RAB9A: variants seen among roughly 807,000 people sequenced by gnomAD.
RAB9A encodes the protein ras-related protein Rab-9A.
RAB9A carries 1 observed loss-of-function variant against 10.3 expected under a neutral mutation model. That is an observed-to-expected ratio of 0.10 (90% confidence interval 0.03 to 0.46). The LOEUF is 0.46. RAB9A is among the 20% of genes least tolerant of loss of function. The pLI, the probability that RAB9A is intolerant of heterozygous loss-of-function variation, is 0.96. For missense variants in RAB9A, 92 were observed against 150.3 expected (o/e 0.61, Z 2.03); for synonymous variants, 39 against 55.2 (o/e 0.71, Z 1.30).
At chrX:13,693,132 G>A (rs751670233) in intron 1 of RAB9A, among the ~76,000 whole-genome samples, 8 of 111,701 alleles carry the variant, frequency 7.2e-5, no homozygotes, top group Non-Finnish European at 1.3e-4. Context: ...TCACAAAGTA[G>A]AGGCAGCAAA....
chrX:13,706,465 C>G (rs1410006626), intron 2 of RAB9A, among the ~76,000 whole-genome samples: 3 of 111,043 alleles, frequency 2.7e-5, no homozygotes, highest in Non-Finnish European at 5.7e-5. Context: ...AATCTCAGCT[C>G]ACGGCAACCT....
At chrX:13,698,176 T>C (rs1005067221) in intron 1 of RAB9A, among the ~76,000 whole-genome samples, 1 of 64,719 alleles carries the variant, frequency 1.5e-5, no homozygotes, top group Non-Finnish European at 2.7e-5. Flanking sequence ...CTAAGTCTTC[T>C]TTTTCTTTTT....
At chrX:13,692,830 A>G (rs2046132070) in intron 1 of RAB9A, among the ~76,000 whole-genome samples, 1 of 112,221 alleles carries the variant, frequency 8.9e-6, no homozygotes, top group Admixed American at 9.4e-5. Context: ...ACTCATGCCA[A>G]TGCACAGCAC....
In RAB9A at chrX:13,708,827, T is replaced by C. The variant is rs1372991872; in HGVS notation, c.81T>C (p.Tyr27=). The part of the protein sequence containing the change: ...GVGKSSLMNR[Y]VTNKFDTQLF... ...GGAAGAGTTCACTTATGAACAGATA[T>C]GTAACTAATAAGTTTGATACCCAGC... Residue 27 remains tyrosine, a synonymous_variant, in exon 3 of 3, where the codon TAT becomes TAC. Transcript: ENST00000464506. 4.1e-6 allele frequency: 5 copies of C among 1,206,147 alleles called. No individual in the cohort carries two copies. Among genetic ancestry groups the C allele is most frequent in the South Asian group, 1.8e-5 (1 of 56,698 alleles).
At chrX:13,697,175 C>T (rs768282520) in intron 1 of RAB9A, among the ~76,000 whole-genome samples, 4 of 111,929 alleles carry the variant, frequency 3.6e-5, no homozygotes, top group Non-Finnish European at 7.5e-5. Flanking sequence ...GCTTTGTCTG[C>T]TGTAAATTAA....
chrX:13,707,517 T>C (rs2046203157), intron 2 of RAB9A, among the ~76,000 whole-genome samples: 1 of 111,834 alleles, frequency 8.9e-6, no homozygotes, highest in Non-Finnish European at 1.9e-5. Flanking sequence ...GGAACTGTGC[T>C]CCCACCAGCA....
intron 1 of RAB9A, 181 bp from the exon 2 acceptor site, chrX:13,703,633 G>C (rs2046184319): frequency 8.9e-6 from 1 of 111,929 alleles, no homozygotes; most frequent in Non-Finnish European, 1.9e-5. Flanking sequence ...ATCACTGGGA[G>C]ACCTTGACAT....
chrX:13,696,802 G>A (rs2046149925), intron 1 of RAB9A, among the ~76,000 whole-genome samples: 1 of 111,916 alleles, frequency 8.9e-6, no homozygotes, highest in Non-Finnish European at 1.9e-5. Context: ...GGGTAGTGAT[G>A]GGCAGAGTGA....
chrX:13,691,659 CAAAAAAAAAAAA>C (rs765886332), intron 1 of RAB9A, among the ~76,000 whole-genome samples: 8 of 15,924 alleles, frequency 5.0e-4, no homozygotes, highest in Admixed American at 2.2e-3. Context: ...GACTCCATCT[CAAAAAAAAAAAA>C]AAAAAAAAAA....
rs139864884 is a variant in RAB9A, at chrX:13,703,625, C to T, written c.-115-189C>T. ...CTTTAGCACAGTTCCACATAGTGAT[C>T]ACTGGGAGACCTTGACATTGAATTT... On this transcript the variant is annotated intron_variant, in intron 1 of 2. Transcript: ENST00000464506. The T allele has an allele frequency of 1.9e-3, 212 of 111,960 alleles. 1 individual carries two copies. Among genetic ancestry groups the T allele is most frequent in the African/African-American group, 6.2e-3 (190 of 30,816 alleles). The allele number at this position is 111,960 out of a possible 1,213,427, so 9.2% of individuals were successfully genotyped here. A position where few individuals can be genotyped will look rare whatever the true frequency, so the allele number is the denominator to read the frequency against.
chrX:13,700,853 C>G (rs781084801), intron 1 of RAB9A, among the ~76,000 whole-genome samples: 19 of 111,021 alleles, frequency 1.7e-4, no homozygotes, highest in South Asian at 3.8e-4. Flanking sequence ...TCACTGCAGC[C>G]TTGACCTCCC....
intron 1 of RAB9A, among the ~76,000 whole-genome samples, chrX:13,693,177 T>TTA (rs1555965602): frequency 7.3e-5 from 8 of 110,295 alleles, no homozygotes; most frequent in African/African-American, 2.3e-4. Flanking sequence ...CCAGGCAATG[T>TTA]GTTAAGCAGC....
chrX:13,692,434 G>A lies in RAB9A; in HGVS notation c.-116+3146G>A, dbSNP rs776083101. The stretch of plus-strand genomic sequence containing the variant: ...AACTTGATGTGTGTGTTATAGTTTT[G>A]TACGGTTAACCACGTGTGAATATTT... On this transcript the variant is annotated intron_variant, in intron 1 of 2. Coordinates refer to ENST00000464506, the MANE Select transcript of RAB9A (RefSeq NM_004251.5). Among the ~76,000 whole-genome samples, 379 of 112,561 alleles carry A rather than the reference G, an allele frequency of 3.4e-3. 2 individuals are homozygous for A. Among genetic ancestry groups the A allele is most frequent in the Non-Finnish European group, 5.4e-3 (288 of 53,338 alleles).
chrX:13,702,077 C>T (rs2046176642), intron 1 of RAB9A, among the ~76,000 whole-genome samples: 1 of 111,327 alleles, frequency 9.0e-6, no homozygotes, highest in Non-Finnish European at 1.9e-5. Context: ...CTTTCCATGG[C>T]TTCTACTCGC....
At chrX:13,694,802 C>G (rs750216505) in intron 1 of RAB9A, among the ~76,000 whole-genome samples, 5 of 111,663 alleles carry the variant, frequency 4.5e-5, no homozygotes, top group Non-Finnish European at 9.4e-5. Context: ...ATTCTCCATC[C>G]CCCCTTCCAG....
intron 1 of RAB9A, among the ~76,000 whole-genome samples, chrX:13,696,999 G>A (rs983438635): frequency 1.8e-4 from 20 of 111,461 alleles, no homozygotes; most frequent in African/African-American, 6.5e-4. Flanking sequence ...TAGTCTAGTC[G>A]AGTCCTATAT....
chrX:13,708,001 C>T (rs966405463), intron 2 of RAB9A, among the ~76,000 whole-genome samples: 9 of 110,870 alleles, frequency 8.1e-5, no homozygotes, highest in African/African-American at 2.6e-4. Flanking sequence ...CATCACTGTG[C>T]ACTGAAGGGC....
intron 2 of RAB9A, among the ~76,000 whole-genome samples, chrX:13,704,125 C>G (rs2046186951): frequency 8.9e-6 from 1 of 111,880 alleles, no homozygotes; most frequent in Non-Finnish European, 1.9e-5. Flanking sequence ...GTTGGTGCCC[C>G]TCCCTCACAT....
At chrX:13,702,570 A>G (rs1397530554) in intron 1 of RAB9A, among the ~76,000 whole-genome samples, 1 of 111,742 alleles carries the variant, frequency 8.9e-6, no homozygotes, top group Non-Finnish European at 1.9e-5. Context: ...TTTGCATGTA[A>G]ATTAAGTCCC....
Sources: allele counts gnomAD v4.1 joint callset (sites outside exome capture counted in the v4.1 genomes callset), GRCh38; gene constraint gnomAD v4.1.1; transcripts MANE v1.5; gene names NCBI Gene and HGNC (gene_info 2026-07-23, HGNC 2026-07-21).